Variants in TFEC observed in about 807,000 individuals in gnomAD.
TFEC encodes class E basic helix-loop-helix protein 34.
Under a neutral mutation model 41.6 loss-of-function variants are expected in TFEC, and 31 were observed. The ratio of observed to expected loss-of-function variants is 0.74; its 90% CI spans 0.56 to 1.01. The LOEUF is 1.01. Ranked by LOEUF, TFEC falls within the 50% of genes least tolerant of loss-of-function variation. The pLI is 0.00. For missense variants in TFEC, 402 were observed against 404.1 expected (o/e 0.99, Z 0.04); for synonymous variants, 143 against 140.6 (o/e 1.02, Z -0.12).
chr7:116,146,727 C>T (rs964553563), intron 1 of TFEC, among the ~76,000 whole-genome samples: 7 of 152,096 alleles, frequency 4.6e-5, no homozygotes, highest in African/African-American at 1.7e-4. Flanking sequence ...AAGGAACAAA[C>T]AATCATGAGG....
intron 1 of TFEC, among the ~76,000 whole-genome samples, chr7:116,008,940 G>T (rs1167029262): frequency 2.0e-5 from 3 of 152,086 alleles, no homozygotes; most frequent in African/African-American, 7.2e-5. Flanking sequence ...TTTGAATTTG[G>T]ATAATTCCAG....
At chr7:116,116,569 A>G (rs1797993303) in intron 1 of TFEC, among the ~76,000 whole-genome samples, 1 of 151,978 alleles carries the variant, frequency 6.6e-6, no homozygotes, top group Non-Finnish European at 1.5e-5. Flanking sequence ...AAGGATTTCA[A>G]CAATGAGAGG....
At chr7:115,968,421 A>AG in intron 3 of TFEC, 1 of 827,162 alleles carries the variant, frequency 1.2e-6, no homozygotes, top group Non-Finnish European at 1.7e-6. Flanking sequence ...AACCAAGCAC[A>AG]GGGGGTTGTT....
At chr7:115,950,093 C>T (rs1385754011) in intron 6 of TFEC, among the ~76,000 whole-genome samples, 1 of 149,230 alleles carries the variant, frequency 6.7e-6, no homozygotes, top group Non-Finnish European at 1.5e-5. Flanking sequence ...CTCAACACAA[C>T]CTCTGCCCCC....
At chr7:115,945,485 A>G (rs1791482100) in intron 6 of TFEC, among the ~76,000 whole-genome samples, 3 of 151,722 alleles carry the variant, frequency 2.0e-5, no homozygotes, top group Non-Finnish European at 4.4e-5. Context: ...GTAACAGGTG[A>G]GGCCACAGCA....
At position 116,125,483 on chromosome 7, in the gene TFEC, G is replaced by A. The variant is rs1037849710; in HGVS notation, c.-68-13445C>T. Among the ~76,000 whole-genome samples, 3 of 152,186 alleles carry A rather than the reference G, an allele frequency of 2.0e-5. No individual in the cohort carries two copies. In the East Asian group the frequency reaches 5.8e-4, roughly 29 times the overall value. On this transcript the variant is annotated intron_variant, in intron 1 of 8. Coordinates refer to the TFEC transcript ENST00000484212. ...TAAGAATCATCGAAATTTTTGAGCA[G>A]CTAAGACCATCATGGTTGTGCTTTG...
intron 1 of TFEC, among the ~76,000 whole-genome samples, chr7:116,136,524 A>G (rs1267587958): frequency 1.3e-5 from 2 of 151,952 alleles, no homozygotes; most frequent in Non-Finnish European, 1.5e-5. Flanking sequence ...TACTGAACAC[A>G]TTGGATTTCC....
chr7:115,968,182 C>A, intron 3 of TFEC: 1 of 1,525,478 alleles, frequency 6.6e-7, no homozygotes. Flanking sequence ...TATACTTGCT[C>A]ACCAGTTTTA....
chr7:116,014,776 T>C (rs1330854178), intron 1 of TFEC, among the ~76,000 whole-genome samples: 1 of 152,090 alleles, frequency 6.6e-6, no homozygotes, highest in Non-Finnish European at 1.5e-5. Flanking sequence ...CAAGGGTTCT[T>C]ATAAGATGGT....
chr7:115,952,375 A>G (rs1378850732), intron 5 of TFEC, among the ~76,000 whole-genome samples: 1 of 151,962 alleles, frequency 6.6e-6, no homozygotes, highest in Non-Finnish European at 1.5e-5. Flanking sequence ...ATAGAAATGT[A>G]TATATATAAC....
intron 3 of TFEC, among the ~76,000 whole-genome samples, chr7:116,045,444 C>A (rs1034922900): frequency 5.3e-5 from 8 of 152,192 alleles, no homozygotes; most frequent in African/African-American, 1.9e-4. Flanking sequence ...TGTGTCCCAG[C>A]TGCTCCAGGC....
At chr7:116,137,600 A>C (rs1798457898) in intron 1 of TFEC, among the ~76,000 whole-genome samples, 1 of 152,174 alleles carries the variant, frequency 6.6e-6, no homozygotes, top group Admixed American at 6.6e-5. Flanking sequence ...ATATATGTGA[A>C]GATGATTAGG....
chr7:116,075,381 A>C (rs1484283463), intron 3 of TFEC, among the ~76,000 whole-genome samples: 1 of 152,178 alleles, frequency 6.6e-6, no homozygotes, highest in African/African-American at 2.4e-5. Context: ...GAATCCACAG[A>C]CCCTTTGAAG....
Position 116,060,825 on chromosome 7 carries a change from T to C in TFEC, c.198+49883A>G, listed in dbSNP as rs143118881. ...AACCCCTGTGACACTTGTTTACCTA[T>C]ATAACAAACCTTCACATATACCCAC... On this transcript the variant is annotated intron_variant, in intron 3 of 8. Transcript: ENST00000484212. Among the ~76,000 whole-genome samples, 251 of 152,162 alleles carry C rather than the reference T, an allele frequency of 1.6e-3. 2 individuals are homozygous for C. In the Middle Eastern group the frequency reaches 0.02, roughly 12 times the overall value.
chr7:116,033,625 T>G (rs1364062728), upstream of TFEC, among the ~76,000 whole-genome samples: 1 of 152,078 alleles, frequency 6.6e-6, no homozygotes, highest in Non-Finnish European at 1.5e-5. Context: ...ATATGTCATC[T>G]TATGCAGAGA....
intron 1 of TFEC, among the ~76,000 whole-genome samples, chr7:116,011,068 T>C (rs1794982552): frequency 6.6e-6 from 1 of 152,188 alleles, no homozygotes; most frequent in Admixed American, 6.6e-5. Context: ...ATAAAGGCTA[T>C]TAACAGTCTT....
intron 3 of TFEC, among the ~76,000 whole-genome samples, chr7:116,061,681 G>GA (rs58774092): frequency 0.61 from 93,002 of 151,624 alleles, 29,048 homozygotes; most frequent in East Asian, 0.74. Flanking sequence ...ACGAGACTAA[G>GA]AAAAAAAATT....
rs933984657 is a variant in TFEC at position 116,025,916 on chromosome 7, C to G, written c.-73+4717G>C. Among the ~76,000 whole-genome samples the G allele has an allele frequency of 2.0e-5, 3 of 152,336 alleles. No homozygotes were observed. The Middle Eastern group carries it at 0.01, about 518-fold the overall frequency. ...AGGTATTACCCATAGTCACCACATA[C>G]AGTCATTTTTGCTCTCTTAAATCGG... On this transcript the variant is annotated intron_variant, in intron 1 of 7. Coordinates refer to ENST00000265440, the MANE Select transcript of TFEC (RefSeq NM_012252.4).
chr7:116,068,299 T>G (rs1266696265), intron 3 of TFEC, among the ~76,000 whole-genome samples: 1 of 151,778 alleles, frequency 6.6e-6, no homozygotes, highest in Non-Finnish European at 1.5e-5. Context: ...AATAACTACA[T>G]CAATGTTACT....
Sources: gnomAD v4.1 joint callset for allele counts (sites outside exome capture counted in the v4.1 genomes callset) on GRCh38, gnomAD v4.1.1 for gene constraint, MANE v1.5 for transcripts, NCBI Gene and HGNC (gene_info 2026-07-23, HGNC 2026-07-21) for gene names.